Variants in DPP6 observed in about 807,000 individuals in gnomAD.
DPP6 encodes A-type potassium channel modulatory protein DPP6.
In DPP6, 69 loss-of-function variants were observed where a neutral mutation model predicts 122.6. That is an observed-to-expected ratio of 0.56 (90% CI 0.46 to 0.69). The LOEUF is 0.69. Ranked by LOEUF, DPP6 falls within the 30% of genes least tolerant of loss-of-function variation. The probability of loss-of-function intolerance (pLI) is 0.00; values close to 1 mark genes in which losing one functional copy is unlikely to be tolerated. For missense variants in DPP6, 928 were observed against 1,116.9 expected (o/e 0.83, Z 2.41); for synonymous variants, 418 against 433.1 (o/e 0.97, Z 0.43).
At chr7:154,256,328 C>A (rs1029205222) in intron 1 of DPP6, among the ~76,000 whole-genome samples, 16 of 152,138 alleles carry the variant, frequency 1.1e-4, no homozygotes, top group African/African-American at 3.9e-4. Context: ...TGCAGGGGCC[C>A]CTGCAGAAGG....
intron 7 of DPP6, among the ~76,000 whole-genome samples, chr7:154,696,996 C>T (rs1840257747): frequency 6.6e-6 from 1 of 152,202 alleles, no homozygotes; most frequent in African/African-American, 2.4e-5. Context: ...ACCCTGACAC[C>T]TGCTCTTGTG....
At position 153,935,249 on chromosome 7, in the gene DPP6, G is replaced by C. The variant is rs1046875393; in HGVS notation, c.51+47515G>C. 5.3e-5 allele frequency among the ~76,000 whole-genome samples: 8 copies of C among 152,098 alleles called. No homozygotes were observed. The South Asian group carries it at 6.3e-4, about 12-fold the overall frequency. On this transcript the variant is annotated intron_variant, in intron 1 of 25. Coordinates refer to the DPP6 transcript ENST00000404039. ...CAGTGTCCCGTGCATGCCAGAGAAG[G>C]GGGGGGACGTGCCCGGTAGGAGGGG...
At chr7:154,527,794 A>T (rs1340971429) in intron 3 of DPP6, among the ~76,000 whole-genome samples, 1 of 152,196 alleles carries the variant, frequency 6.6e-6, no homozygotes, top group Non-Finnish European at 1.5e-5. Context: ...CTACAGTACC[A>T]TAAGATGCCA....
At chr7:154,291,385 G>A (rs1027046613) in intron 1 of DPP6, among the ~76,000 whole-genome samples, 6 of 152,148 alleles carry the variant, frequency 3.9e-5, no homozygotes, top group African/African-American at 1.2e-4. Context: ...ACCCCTAGAA[G>A]TGAAAACTGG....
chr7:154,793,823 G>GCAGTGA, intron 10 of DPP6: 1 of 423,842 alleles, frequency 2.4e-6, no homozygotes, highest in Non-Finnish European at 4.1e-6. Context: ...CCCCAGGGCA[G>GCAGTGA]CCACACGCAG....
chr7:153,907,567 G>A (rs1048063673), intron 1 of DPP6, among the ~76,000 whole-genome samples: 16 of 152,190 alleles, frequency 1.1e-4, no homozygotes, highest in African/African-American at 3.6e-4. Flanking sequence ...AGGGTGTTTT[G>A]GATGAGATGA....
At chr7:154,479,954 A>C (rs1312982216) in intron 3 of DPP6, among the ~76,000 whole-genome samples, 1 of 151,222 alleles carries the variant, frequency 6.6e-6, no homozygotes, top group Non-Finnish European at 1.5e-5. Context: ...GCTTAGGAAC[A>C]CTCCCACTGT....
intron 1 of DPP6, among the ~76,000 whole-genome samples, chr7:153,907,884 T>C (rs554889508): frequency 6.6e-6 from 1 of 152,274 alleles, no homozygotes; most frequent in Non-Finnish European, 1.5e-5. Context: ...GAACGCTGAC[T>C]GATACACTAG....
At chr7:154,699,329 T>C (rs977767102) in intron 7 of DPP6, among the ~76,000 whole-genome samples, 1 of 152,238 alleles carries the variant, frequency 6.6e-6, no homozygotes, top group African/African-American at 2.4e-5. Flanking sequence ...ATTCATTCAC[T>C]TCTTTGCAGT....
chr7:154,826,573 A>C (rs1451126809), intron 16 of DPP6, among the ~76,000 whole-genome samples: 1 of 152,238 alleles, frequency 6.6e-6, no homozygotes, highest in African/African-American at 2.4e-5. Flanking sequence ...GAGGGTTTCT[A>C]TGTGCTAGAG....
At chr7:154,317,560 G>T (rs1434640968) in intron 1 of DPP6, among the ~76,000 whole-genome samples, 2 of 152,126 alleles carry the variant, frequency 1.3e-5, no homozygotes, top group Admixed American at 1.3e-4. Context: ...ATACTATTGG[G>T]AATCTGAAGT....
chr7:153,797,097 A>G, the DPP6 span, among the ~76,000 whole-genome samples: 11 of 152,164 alleles, frequency 7.2e-5, no homozygotes, highest in Admixed American at 2.0e-4. Context: ...CGTCAGTCAC[A>G]TGAGGGAACT....
At chr7:154,802,385 G>A (rs982991110) in intron 13 of DPP6, among the ~76,000 whole-genome samples, 6 of 97,526 alleles carry the variant, frequency 6.2e-5, no homozygotes, top group Non-Finnish European at 1.1e-4. Context: ...CGGGGTGGGG[G>A]CTGCGGGACT....
intron 1 of DPP6, among the ~76,000 whole-genome samples, chr7:154,166,603 T>C (rs1797263223): frequency 6.8e-6 from 1 of 147,400 alleles, no homozygotes; most frequent in Non-Finnish European, 1.5e-5. Flanking sequence ...GGGAGCACAG[T>C]ATGTACGTTT....
intron 19 of DPP6, among the ~76,000 whole-genome samples, chr7:154,874,293 GT>G (rs1282352662): frequency 3.9e-5 from 6 of 152,304 alleles, no homozygotes; most frequent in Non-Finnish European, 7.4e-5. Flanking sequence ...AAGCATTTCA[GT>G]TTACAAAACA....
At chr7:154,768,573 G>A (rs193277277) in intron 8 of DPP6, among the ~76,000 whole-genome samples, 230 of 152,234 alleles carry the variant, frequency 1.5e-3, no homozygotes, top group African/African-American at 5.2e-3. Flanking sequence ...AATGAAATGG[G>A]TTCTCTGACT....
chr7:154,158,945 A>G (rs1796834571), intron 1 of DPP6, among the ~76,000 whole-genome samples: 2 of 152,080 alleles, frequency 1.3e-5, no homozygotes, highest in African/African-American at 2.4e-5. Context: ...ACACTGTCCC[A>G]TCTTCAACTC....
intron 1 of DPP6, among the ~76,000 whole-genome samples, chr7:154,247,185 T>C (rs566087171): frequency 1.3e-5 from 2 of 152,076 alleles, no homozygotes; most frequent in South Asian, 4.2e-4. Flanking sequence ...TGGTGGTGTG[T>C]GCCTGTAGTT....
At chr7:153,913,777 C>T (rs1252914656) in intron 1 of DPP6, among the ~76,000 whole-genome samples, 2 of 152,126 alleles carry the variant, frequency 1.3e-5, no homozygotes, top group Non-Finnish European at 2.9e-5. Context: ...CTCCAAAGCT[C>T]TAGAACATGA....
Sources: gnomAD v4.1 joint callset for allele counts (sites outside exome capture counted in the v4.1 genomes callset) on GRCh38, gnomAD v4.1.1 for gene constraint, MANE v1.5 for transcripts, NCBI Gene and HGNC (gene_info 2026-07-23, HGNC 2026-07-21) for gene names.